Variants in PTPRT observed in about 807,000 individuals in gnomAD.
PTPRT encodes protein tyrosine phosphatase receptor type T, also known as receptor-type tyrosine-protein phosphatase T.
A neutral mutation model predicts 176.8 loss-of-function variants in PTPRT; 56 were observed. That is an observed-to-expected ratio of 0.32 (90% CI 0.26 to 0.40). The LOEUF (loss-of-function observed/expected upper bound fraction) is 0.40, where lower values mean the gene tolerates loss of function less well. Ranked by LOEUF, PTPRT falls within the 10% of genes least tolerant of loss-of-function variation. The pLI is 1.00. For synonymous variants in PTPRT, 783 were observed against 739.0 expected, an observed-to-expected ratio of 1.06 and a Z score of -0.96; for missense variants, 1,540 against 1,908.2, an observed-to-expected ratio of 0.81 and a Z score of 3.60.
At chr20:43,063,074 T>A (rs1987538609) in intron 1 of PTPRT, among the ~76,000 whole-genome samples, 1 of 152,132 alleles carries the variant, frequency 6.6e-6, no homozygotes, top group Admixed American at 6.5e-5. Context: ...TATAAATAAT[T>A]TATCCAAAGC....
chr20:42,979,884 A>G (rs935125763), intron 1 of PTPRT, among the ~76,000 whole-genome samples: 7 of 149,120 alleles, frequency 4.7e-5, no homozygotes, highest in African/African-American at 1.2e-4. Context: ...TCCAGCCCCA[A>G]ATCTCAGCCA....
chr20:42,547,473 T>C (rs1423080820), intron 7 of PTPRT, among the ~76,000 whole-genome samples: 1 of 152,072 alleles, frequency 6.6e-6, no homozygotes, highest in Non-Finnish European at 1.5e-5. Context: ...AATGAGGAAA[T>C]ATTTTTATTA....
intron 18 of PTPRT, among the ~76,000 whole-genome samples, chr20:42,139,015 G>A (rs987719700): frequency 1.3e-5 from 2 of 152,168 alleles, no homozygotes; most frequent in Non-Finnish European, 2.9e-5. Flanking sequence ...ATCAAGCCTC[G>A]GCAGGCTTTG....
At chr20:42,807,098 G>A (rs2077621693) in intron 2 of PTPRT, among the ~76,000 whole-genome samples, 2 of 152,190 alleles carry the variant, frequency 1.3e-5, no homozygotes, top group Non-Finnish European at 2.9e-5. Flanking sequence ...AAGGTGGGAG[G>A]AAAACAATAG....
intron 7 of PTPRT, among the ~76,000 whole-genome samples, chr20:42,621,516 A>G (rs755481912): frequency 1.1e-4 from 17 of 152,162 alleles, no homozygotes; most frequent in Non-Finnish European, 1.8e-4. Flanking sequence ...GGATTCCTCC[A>G]TTGCCCTCTT....
chr20:42,660,581 G>A (rs765884299), intron 7 of PTPRT, among the ~76,000 whole-genome samples: 3 of 152,072 alleles, frequency 2.0e-5, no homozygotes, highest in Non-Finnish European at 4.4e-5. Flanking sequence ...TCTTTTCATT[G>A]TTGTGTGTAT....
At chr20:42,984,760 C>G (rs6093768) in intron 1 of PTPRT, among the ~76,000 whole-genome samples, 61 of 152,310 alleles carry the variant, frequency 4.0e-4, no homozygotes, top group Middle Eastern at 3.4e-3. Context: ...GAAGAAGAGC[C>G]TAGGCTTGTC....
At chr20:42,105,001 C>A (rs1018919697) in intron 24 of PTPRT, among the ~76,000 whole-genome samples, 2 of 152,162 alleles carry the variant, frequency 1.3e-5, no homozygotes, top group Admixed American at 6.5e-5. Flanking sequence ...TGGTGTCCAG[C>A]CCATGTCCCC....
At position 42,391,043 on chromosome 20, in the gene PTPRT, C is replaced by T. The variant is rs182198761; in HGVS notation, c.1561-38758G>A. ...CAGAATAATATCTACTTTTAAGGGC[C>T]ACAATTAAACACAAATTGAGTAATA... is the stretch of plus-strand genomic sequence containing the variant. On this transcript the variant is annotated intron_variant, in intron 9 of 30. Transcript: ENST00000373187. Among the ~76,000 whole-genome samples the T allele has an allele frequency of 1.4e-4, 21 of 152,038 alleles. No individual in the cohort carries two copies. The East Asian group carries it at 4.1e-3, about 29-fold the overall frequency.
intron 7 of PTPRT, among the ~76,000 whole-genome samples, chr20:42,657,352 A>G (rs561523164): frequency 1.3e-5 from 2 of 152,310 alleles, no homozygotes; most frequent in Admixed American, 1.3e-4. Context: ...TCAATCCTTC[A>G]GAGTTGGCTA....
At chr20:42,767,267 T>C (rs975174824) in intron 5 of PTPRT, among the ~76,000 whole-genome samples, 5 of 152,152 alleles carry the variant, frequency 3.3e-5, no homozygotes, top group Admixed American at 6.5e-5. Flanking sequence ...GAGATGAGCA[T>C]TTGAATCAGT....
At chr20:42,331,241 A>T (rs1199186018) in intron 11 of PTPRT, among the ~76,000 whole-genome samples, 1 of 152,122 alleles carries the variant, frequency 6.6e-6, no homozygotes, top group Non-Finnish European at 1.5e-5. Context: ...GTTAAACAAG[A>T]CTAGCTTCCA....
intron 2 of PTPRT, among the ~76,000 whole-genome samples, chr20:42,823,257 A>C (rs917553640): frequency 2.0e-5 from 3 of 152,202 alleles, no homozygotes; most frequent in African/African-American, 7.2e-5. Flanking sequence ...TGAAGCTGGA[A>C]GCCAGCATCC....
chr20:42,637,860 A>C (rs1485459717), intron 7 of PTPRT, among the ~76,000 whole-genome samples: 1 of 152,156 alleles, frequency 6.6e-6, no homozygotes, highest in Non-Finnish European at 1.5e-5. Flanking sequence ...CAAACTGACA[A>C]AGCTAAGAGG....
At chr20:42,278,922 T>G (rs998244465) in intron 13 of PTPRT, among the ~76,000 whole-genome samples, 1 of 152,204 alleles carries the variant, frequency 6.6e-6, no homozygotes, top group Non-Finnish European at 1.5e-5. Flanking sequence ...ACCTGCTACC[T>G]ATGTTGAGCC....
chr20:42,678,505 T>C (rs990408307), intron 6 of PTPRT, among the ~76,000 whole-genome samples: 2 of 152,138 alleles, frequency 1.3e-5, no homozygotes, highest in African/African-American at 4.8e-5. Context: ...TTCACCATGT[T>C]GGCCAGGCTG....
At chr20:42,044,911 C>G in the PTPRT span, among the ~76,000 whole-genome samples, 1 of 152,146 alleles carries the variant, frequency 6.6e-6, no homozygotes, top group Non-Finnish European at 1.5e-5. Flanking sequence ...CATTTCCTGG[C>G]CTTTTTCCCA....
chr20:42,655,555 C>G (rs572487310), intron 7 of PTPRT, among the ~76,000 whole-genome samples: 1 of 152,280 alleles, frequency 6.6e-6, no homozygotes, highest in Non-Finnish European at 1.5e-5. Context: ...TAAAATAAAA[C>G]ATGAGACTTC....
chr20:43,178,804 T>G (rs1368928770), intron 1 of PTPRT, among the ~76,000 whole-genome samples: 1 of 152,078 alleles, frequency 6.6e-6, no homozygotes, highest in Non-Finnish European at 1.5e-5. Context: ...AGGTAATAAA[T>G]GAGAAACTGC....
Sources: allele counts gnomAD v4.1 joint callset (sites outside exome capture counted in the v4.1 genomes callset), GRCh38; gene constraint gnomAD v4.1.1; transcripts MANE v1.5; gene names NCBI Gene and HGNC (gene_info 2026-07-23, HGNC 2026-07-21).